Variants in DPYS observed in about 807,000 individuals in gnomAD.
The protein encoded by DPYS is dihydropyrimidine amidohydrolase.
In DPYS, 39 loss-of-function variants were observed where a neutral mutation model predicts 50.3. The ratio of observed to expected loss-of-function variants is 0.78; its 90% CI spans 0.60 to 1.01. The LOEUF is 1.01. Ranked by LOEUF, DPYS falls within the 50% of genes least tolerant of loss-of-function variation. The pLI is 0.00. For missense variants in DPYS, 659 were observed against 680.9 expected, an observed-to-expected ratio of 0.97 and a Z score of 0.36; for synonymous variants, 245 against 250.7, an observed-to-expected ratio of 0.98 and a Z score of 0.22.
intron 7 of DPYS, among the ~76,000 whole-genome samples, chr8:104,398,171 G>A (rs1811653702): frequency 6.6e-6 from 1 of 152,220 alleles, no homozygotes; most frequent in Non-Finnish European, 1.5e-5. Flanking sequence ...TGTGACCTGG[G>A]CTCCTTCAAA....
intron 7 of DPYS, among the ~76,000 whole-genome samples, chr8:104,412,775 G>C (rs574866450): frequency 4.4e-4 from 67 of 152,188 alleles, no homozygotes; most frequent in Admixed American, 2.6e-3. Flanking sequence ...AGACAACTGG[G>C]GCAAAAAGCA....
At chr8:104,433,884 A>C (rs1205382604) in intron 4 of DPYS, among the ~76,000 whole-genome samples, 1 of 152,204 alleles carries the variant, frequency 6.6e-6, no homozygotes, top group Non-Finnish European at 1.5e-5. Flanking sequence ...GAGTTTACAT[A>C]AAATGGAAAA....
chr8:104,441,489 A>C (rs555014547), intron 4 of DPYS, among the ~76,000 whole-genome samples: 82 of 152,328 alleles, frequency 5.4e-4, no homozygotes, highest in African/African-American at 1.8e-3. Context: ...TCCTGAATTA[A>C]TCGGTAGGCT....
Position 104,392,866 on chromosome 8 carries a change from C to A in DPYS, c.1361G>T (p.Ser454Ile). The A allele has an allele frequency of 6.2e-7, 1 of 1,614,218 alleles. No individual in the cohort carries two copies. The highest frequency in any genetic ancestry group is 8.5e-7 in the Non-Finnish European group (1 of 1,180,042). The change falls in exon 8 of 10, where the codon AGT becomes ATT. Residue 454 changes from serine to isoleucine, a missense_variant. By Grantham distance (142) the Ser-to-Ile change is moderately radical. Coordinates refer to ENST00000351513, the MANE Select transcript of DPYS (RefSeq NM_001385.3). ...AAACTTCCCATCTCCTGCCGTGACACTGAACACTCCGGCTTCATATACCAC... is the reference window on the plus strand; with the variant it reads ...AAACTTCCCATCTCCTGCCGTGACAATGAACACTCCGGCTTCATATACCAC... ...GKVVYEAGVF[S>I]VTAGDGKFIP...
chr8:104,424,024 T>C (rs1812638008), intron 7 of DPYS: 2 of 985,416 alleles, frequency 2.0e-6, no homozygotes, highest in Non-Finnish European at 2.4e-6. Flanking sequence ...TACAGATCCA[T>C]TGTCAGAGAA....
At chr8:104,456,590 G>A (rs1319371) in intron 1 of DPYS, among the ~76,000 whole-genome samples, 26,025 of 152,222 alleles carry the variant, frequency 0.17, 2,778 homozygotes, top group East Asian at 0.24. Context: ...TGGAGAAGCT[G>A]TATTGAATGG....
At chr8:104,384,378 T>A (rs1811147731) in intron 8 of DPYS, among the ~76,000 whole-genome samples, 1 of 152,246 alleles carries the variant, frequency 6.6e-6, no homozygotes. Context: ...CTGGCATTGT[T>A]CTCTGGGCAT....
rs747049116 is a variant in DPYS, at chr8:104,447,357, C to G, written c.570G>C (p.Gln190His). 4 of 1,614,106 alleles carry G rather than the reference C, an allele frequency of 2.5e-6. No individual in the cohort carries two copies. Among genetic ancestry groups the G allele is most frequent in the Non-Finnish European group, 3.4e-6 (4 of 1,180,022 alleles). The change falls in exon 3 of 10, where the codon CAG (glutamine) becomes CAC (histidine). Residue 190 changes from glutamine to histidine, a missense_variant. Coordinates refer to ENST00000351513, the MANE Select transcript of DPYS (RefSeq NM_001385.3). Reference sequence around the variant, plus strand: ...TTAAGTCTCCATTTTCCGCATGGACCTGGGCAATTGCTCCAATTTCCTTGC... The same window carrying G: ...TTAAGTCTCCATTTTCCGCATGGACGTGGGCAATTGCTCCAATTTCCTTGC... The part of the protein sequence containing the change: ...SRCKEIGAIA[Q>H]VHAENGDLIA...
chr8:104,427,200 C>CAA (rs1269273453), intron 6 of DPYS, among the ~76,000 whole-genome samples: 20 of 57,754 alleles, frequency 3.5e-4, no homozygotes, highest in Non-Finnish European at 5.2e-4. Context: ...GACTCCGTCT[C>CAA]AAAAAAAAAA....
chr8:104,444,006 A>G (rs1463487921), intron 4 of DPYS, among the ~76,000 whole-genome samples: 1 of 152,218 alleles, frequency 6.6e-6, no homozygotes, highest in Non-Finnish European at 1.5e-5. Context: ...CTGGGGTCGC[A>G]AGGATGGAGA....
rs557732614 is a variant in DPYS, at chr8:104,464,097, C to T, written c.264+2560G>A. ...AACCTTTGACCTTAATATCTCTGACCGTATCATTTTTTGTTTAAGATCCTA... is the reference window on the plus strand; with the variant it reads ...AACCTTTGACCTTAATATCTCTGACTGTATCATTTTTTGTTTAAGATCCTA... On this transcript the variant is annotated intron_variant, in intron 1 of 9. Transcript: ENST00000351513. Among the ~76,000 whole-genome samples, 5 of 152,166 alleles carry T rather than the reference C, an allele frequency of 3.3e-5. No individual in the cohort carries two copies. The South Asian group carries it at 6.2e-4, about 19-fold the overall frequency.
chr8:104,444,211 A>C (rs1813449588), intron 4 of DPYS, 37 bp downstream of exon 4: 3 of 1,610,448 alleles, frequency 1.9e-6, no homozygotes, highest in Non-Finnish European at 2.5e-6. Flanking sequence ...TCTTCAGCTA[A>C]CACTGAGTTC....
chr8:104,463,738 A>T (rs1814251013), intron 1 of DPYS, among the ~76,000 whole-genome samples: 1 of 152,226 alleles, frequency 6.6e-6, no homozygotes, highest in Admixed American at 6.5e-5. Context: ...TTCAAGTTTA[A>T]CATATCATAC....
At chr8:104,416,343 T>C (rs1300147676) in intron 7 of DPYS, among the ~76,000 whole-genome samples, 1 of 152,212 alleles carries the variant, frequency 6.6e-6, no homozygotes, top group Non-Finnish European at 1.5e-5. Flanking sequence ...GTGGTAACTA[T>C]GATGTGAAGA....
intron 1 of DPYS, among the ~76,000 whole-genome samples, chr8:104,462,562 G>A (rs35787438): frequency 0.088 from 13,350 of 152,180 alleles, 694 homozygotes; most frequent in South Asian, 0.11. Flanking sequence ...AAAATGTGTT[G>A]CATGGTTTCC....
chr8:104,465,762 G>T (rs1814355049), intron 1 of DPYS, among the ~76,000 whole-genome samples: 1 of 152,204 alleles, frequency 6.6e-6, no homozygotes, highest in Non-Finnish European at 1.5e-5. Flanking sequence ...TGGGCTGCAT[G>T]CGGCCTACAG....
chr8:104,443,522 G>T (rs1343060793), intron 4 of DPYS, among the ~76,000 whole-genome samples: 1 of 152,180 alleles, frequency 6.6e-6, no homozygotes, highest in Non-Finnish European at 1.5e-5. Flanking sequence ...GCATGTACTA[G>T]GTGCCTTGCA....
intron 7 of DPYS, among the ~76,000 whole-genome samples, chr8:104,409,499 A>T (rs1025874502): frequency 1.1e-4 from 16 of 152,166 alleles, no homozygotes; most frequent in East Asian, 1.9e-4. Context: ...AATAAAATTT[A>T]AAAAATCTTA....
At chr8:104,385,857 T>G (rs2140505892) in intron 8 of DPYS, among the ~76,000 whole-genome samples, 1 of 152,362 alleles carries the variant, frequency 6.6e-6, no homozygotes, top group East Asian at 1.9e-4. Context: ...AGGCCCTCTC[T>G]AGATGCCAGC....
Sources: allele counts gnomAD v4.1 joint callset (sites outside exome capture counted in the v4.1 genomes callset), GRCh38; gene constraint gnomAD v4.1.1; transcripts MANE v1.5; gene names NCBI Gene and HGNC (gene_info 2026-07-23, HGNC 2026-07-21).